Variants in GRIK3 observed in about 807,000 individuals in gnomAD.
GRIK3 encodes the protein glutamate ionotropic receptor kainate type subunit 3, also known as glutamate receptor ionotropic, kainate 3.
In GRIK3, 29 loss-of-function variants were observed where a neutral mutation model predicts 102.5. The ratio of observed to expected loss-of-function variants is 0.28; its 90% confidence interval spans 0.21 to 0.39. The LOEUF (loss-of-function observed/expected upper bound fraction) is 0.39. Ranked by LOEUF, GRIK3 falls within the 10% of genes least tolerant of loss-of-function variation. The pLI, the probability that GRIK3 is intolerant of heterozygous loss-of-function variation, is 1.00. For synonymous variants in GRIK3, 511 were observed against 504.9 expected (o/e 1.01, Z -0.16); for missense variants, 908 against 1,252.4 (o/e 0.73, Z 4.15).
At chr1:36,863,153 C>T (rs1640745246) in intron 5 of GRIK3, among the ~76,000 whole-genome samples, 1 of 152,150 alleles carries the variant, frequency 6.6e-6, no homozygotes, top group African/African-American at 2.4e-5. Context: ...GATATTAGGC[C>T]TTTTGCTCAA....
At chr1:36,989,354 G>A (rs1642340357) in intron 1 of GRIK3, among the ~76,000 whole-genome samples, 2 of 152,170 alleles carry the variant, frequency 1.3e-5, no homozygotes, top group Non-Finnish European at 1.5e-5. Context: ...AGGAGCCCTC[G>A]CCTGCACAGC....
At chr1:36,976,515 C>A (rs80329866) in intron 1 of GRIK3, among the ~76,000 whole-genome samples, 1 of 152,036 alleles carries the variant, frequency 6.6e-6, no homozygotes, top group East Asian at 1.9e-4. Context: ...GGGCCATGGA[C>A]CTTGGCAGAC....
chr1:37,010,783 G>A (rs564590678), intron 1 of GRIK3, among the ~76,000 whole-genome samples: 10 of 142,314 alleles, frequency 7.0e-5, no homozygotes, highest in African/African-American at 1.9e-4. Flanking sequence ...CACCCAGGCC[G>A]GACTGCGGAC....
At chr1:36,963,170 C>T (rs983633880) in intron 1 of GRIK3, among the ~76,000 whole-genome samples, 3 of 152,180 alleles carry the variant, frequency 2.0e-5, no homozygotes, top group Non-Finnish European at 4.4e-5. Flanking sequence ...CCATCTGCCT[C>T]TCCACAGGAG....
intron 11 of GRIK3, among the ~76,000 whole-genome samples, chr1:36,820,903 G>A (rs886144694): frequency 2.0e-5 from 3 of 152,154 alleles, no homozygotes; most frequent in Non-Finnish European, 4.4e-5. Flanking sequence ...TGTTCACTGC[G>A]TGAGTTCCAG....
intron 1 of GRIK3, among the ~76,000 whole-genome samples, chr1:36,985,428 C>T (rs755035983): frequency 2.8e-4 from 42 of 151,956 alleles, no homozygotes; most frequent in Non-Finnish European, 1.2e-4. Flanking sequence ...TGCCATCATT[C>T]GGGGACATGG....
intron 1 of GRIK3, among the ~76,000 whole-genome samples, chr1:37,014,727 C>A (rs1642634773): frequency 6.6e-6 from 1 of 152,198 alleles, no homozygotes; most frequent in Non-Finnish European, 1.5e-5. Flanking sequence ...CCCAATTGGG[C>A]TCCTAGGACA....
At position 36,989,363 on chromosome 1, in the gene GRIK3, G is replaced by T. The variant is rs147186519; in HGVS notation, c.115+44631C>A. Among the ~76,000 whole-genome samples, 496 of 152,326 alleles carry T rather than the reference G, an allele frequency of 3.3e-3. 5 individuals carry two copies. Among genetic ancestry groups the T allele is most frequent in the African/African-American group, 0.011 (474 of 41,574 alleles). On this transcript the variant is annotated intron_variant, in intron 1 of 15. Transcript: ENST00000373091. ...AGGCCCAGGAGCCCTCGCCTGCACA[G>T]CTCCAGCTGGCAGAGGAGGAGGAGG...
intron 1 of GRIK3, among the ~76,000 whole-genome samples, chr1:36,970,359 C>T (rs558677782): frequency 3.9e-5 from 6 of 152,168 alleles, no homozygotes; most frequent in African/African-American, 1.2e-4. Context: ...CCTTAAACAC[C>T]GGAGTCTGAT....
intron 1 of GRIK3, among the ~76,000 whole-genome samples, chr1:36,968,389 T>C (rs1042798142): frequency 9.2e-5 from 14 of 152,090 alleles, no homozygotes; most frequent in Non-Finnish European, 1.8e-4. Context: ...CTGGTGGCCA[T>C]TGGGAGTGAC....
At chr1:36,903,046 T>C (rs905786265) in intron 1 of GRIK3, among the ~76,000 whole-genome samples, 24 of 152,154 alleles carry the variant, frequency 1.6e-4, no homozygotes, top group South Asian at 2.1e-4. Flanking sequence ...TGCCTCGGCC[T>C]CCCAAAGTGC....
Position 36,798,572 on chromosome 1 carries a change from TG to T in GRIK3, c.*3278del, listed in dbSNP as rs879823476. The T allele has an allele frequency of 1.3e-5, 2 of 152,298 alleles. No homozygotes were observed. Among genetic ancestry groups the T allele is most frequent in the African/African-American group, 2.4e-5 (1 of 41,462 alleles). 9.4% of individuals were successfully genotyped at this position (152,298 alleles called of 1,614,324 possible). A position where few individuals can be genotyped will look rare whatever the true frequency, so the allele number is the denominator to read the frequency against. On this transcript the variant is annotated 3_prime_UTR_variant, in exon 16 of 16. Transcript: ENST00000373091. ...TAAAAAAACACAAGATCTGCCTCAC[TG>T]AAAACACCTCCCCACTCCGTCCCAC...
chr1:36,822,370 G>C (rs1209435495), intron 11 of GRIK3, among the ~76,000 whole-genome samples: 1 of 152,212 alleles, frequency 6.6e-6, no homozygotes, highest in African/African-American at 2.4e-5. Flanking sequence ...CCTCCCGAGA[G>C]GTGAAAGCAT....
chr1:37,003,263 T>G (rs143403527), intron 1 of GRIK3, among the ~76,000 whole-genome samples: 61 of 152,360 alleles, frequency 4.0e-4, no homozygotes, highest in African/African-American at 1.4e-3. Context: ...AGCTATCATA[T>G]TAAATGTAAT....
At chr1:36,980,140 C>T (rs1470349206) in intron 1 of GRIK3, among the ~76,000 whole-genome samples, 4 of 152,144 alleles carry the variant, frequency 2.6e-5, no homozygotes, top group Admixed American at 2.6e-4. Context: ...CCATGAACCT[C>T]CAACTTGTTC....
chr1:36,865,608 T>C (rs1243994909), intron 5 of GRIK3, among the ~76,000 whole-genome samples: 1 of 152,182 alleles, frequency 6.6e-6, no homozygotes, highest in Non-Finnish European at 1.5e-5. Flanking sequence ...CCCCGCCCCA[T>C]ACTCCACTGC....
intron 1 of GRIK3, among the ~76,000 whole-genome samples, chr1:37,028,531 C>A (rs898022846): frequency 1.3e-5 from 2 of 152,166 alleles, no homozygotes; most frequent in African/African-American, 4.8e-5. Flanking sequence ...CAGTCTGACA[C>A]TGAAAACTAG....
At chr1:36,908,821 G>A (rs983075142) in intron 1 of GRIK3, among the ~76,000 whole-genome samples, 4 of 151,738 alleles carry the variant, frequency 2.6e-5, no homozygotes, top group African/African-American at 9.7e-5. Context: ...GGAGGGGTGT[G>A]TAAGATGAGT....
intron 1 of GRIK3, among the ~76,000 whole-genome samples, chr1:36,939,350 T>A (rs367712032): frequency 7.7e-4 from 117 of 152,358 alleles, no homozygotes; most frequent in African/African-American, 2.5e-3. Context: ...GACCCTGGAC[T>A]TGGCTTTGCA....
Sources: allele counts gnomAD v4.1 joint callset (sites outside exome capture counted in the v4.1 genomes callset), GRCh38; gene constraint gnomAD v4.1.1; transcripts MANE v1.5; gene names NCBI Gene and HGNC (gene_info 2026-07-23, HGNC 2026-07-21).